The following ELF1 variants were observed in gnomAD, a reference collection of about 807,000 sequenced individuals.
ELF1 encodes the protein E74 like ETS transcription factor 1.
ELF1 carries 24 observed loss-of-function variants against 59.9 expected under a neutral mutation model. That is an observed-to-expected ratio of 0.40 (90% CI 0.29 to 0.56). The LOEUF (loss-of-function observed/expected upper bound fraction) is 0.56, where lower values mean the gene tolerates loss of function less well. ELF1 is among the 20% of genes least tolerant of loss of function. The pLI, the probability that ELF1 is intolerant of heterozygous loss-of-function variation, is 0.44. For synonymous variants in ELF1, 248 were observed against 266.2 expected (o/e 0.93, Z 0.67); for missense variants, 627 against 742.2 (o/e 0.84, Z 1.80).
intron 1 of ELF1, among the ~76,000 whole-genome samples, chr13:41,033,629 G>A (rs771837906): frequency 6.6e-6 from 1 of 152,156 alleles, no homozygotes; most frequent in Non-Finnish European, 1.5e-5. Context: ...ATTCTCATAG[G>A]AGAGGAAACC....
chr13:41,002,801 A>G (rs1383117207), intron 1 of ELF1, among the ~76,000 whole-genome samples: 1 of 152,120 alleles, frequency 6.6e-6, no homozygotes, highest in Admixed American at 6.5e-5. Flanking sequence ...TCATAGTAAT[A>G]TGTATGCTAT....
chr13:40,988,982 G>C lies in ELF1; in HGVS notation c.-228-6700C>G, dbSNP rs374128628. 5.9e-5 allele frequency among the ~76,000 whole-genome samples: 9 copies of C among 152,236 alleles called. No individual in the cohort carries two copies. In the East Asian group the frequency reaches 1.4e-3, roughly 23 times the overall value. ...CTGACTGATTTTTGTAATTTCAGTA[G>C]AGACAGTGTCTCACTATGTTGCCCA... On this transcript the variant is annotated intron_variant, in intron 1 of 8. Coordinates refer to ENST00000239882, the MANE Select transcript of ELF1 (RefSeq NM_172373.4).
At chr13:40,956,591 A>G (rs190716409) in intron 3 of ELF1, among the ~76,000 whole-genome samples, 44 of 150,748 alleles carry the variant, frequency 2.9e-4, no homozygotes, top group Admixed American at 8.6e-4. Flanking sequence ...AAAAAAAAAA[A>G]AAAGAAAGTT....
rs762161763 is a variant in ELF1 at position 41,055,400 on chromosome 13, T to C, written c.-229+5438A>G. On this transcript the variant is annotated intron_variant, in intron 1 of 1. Transcript: ENST00000405737. ...AATGCCTTGTCCCCATCCCTGTCTC[T>C]ACCAGCAAAAGCCTAACCAGCCTTC... is the stretch of plus-strand genomic sequence containing the variant. Among the ~76,000 whole-genome samples, 27 of 151,326 alleles carry C rather than the reference T, an allele frequency of 1.8e-4. 1 individual carries two copies. The highest frequency in any genetic ancestry group is 6.3e-4 in the South Asian group (3 of 4,786).
intron 8 of ELF1, among the ~76,000 whole-genome samples, chr13:40,934,691 AT>A (rs1389708602): frequency 3.3e-5 from 5 of 152,172 alleles, no homozygotes; most frequent in African/African-American, 1.2e-4. Context: ...AAGTGCTGGG[AT>A]TATAGGCATG....
chr13:40,981,050 C>T (rs1197179756), intron 2 of ELF1, among the ~76,000 whole-genome samples: 1 of 151,982 alleles, frequency 6.6e-6, no homozygotes, highest in African/African-American at 2.4e-5. Flanking sequence ...ATTCACTCTG[C>T]CAAAAGTAAG....
chr13:41,055,862 T>G (rs1295694631), intron 1 of ELF1, among the ~76,000 whole-genome samples: 1 of 151,526 alleles, frequency 6.6e-6, no homozygotes, highest in African/African-American at 2.4e-5. Context: ...TTTTGTTTTT[T>G]TTTTTCTTTG....
At chr13:41,027,776 G>T (rs1176995151) in intron 1 of ELF1, among the ~76,000 whole-genome samples, 4 of 152,208 alleles carry the variant, frequency 2.6e-5, no homozygotes, top group Admixed American at 2.0e-4. Context: ...CAAAAGTGGG[G>T]TAATGGGCTC....
chr13:40,961,266 A>T lies in ELF1; in HGVS notation c.73-2250T>A, dbSNP rs567991927. 5.3e-5 allele frequency among the ~76,000 whole-genome samples: 8 copies of T among 152,342 alleles called. No homozygotes were observed. In the South Asian group the frequency reaches 1.0e-3, roughly 20 times the overall value. ...GAAATTTATGGTTAATAATCCTAAAACACATTTGGATCGTTTTATTTCAAA... is the reference window on the plus strand; with the variant it reads ...GAAATTTATGGTTAATAATCCTAAATCACATTTGGATCGTTTTATTTCAAA... On this transcript the variant is annotated intron_variant, in intron 2 of 8. Transcript: ENST00000239882.
In ELF1 at chr13:40,933,630, ACAGTGC is replaced by A; in HGVS notation, c.1649_1654del (p.Gly550_Thr551del). 2 of 1,614,226 alleles carry A rather than the reference ACAGTGC, an allele frequency of 1.2e-6. No homozygotes were observed. Among genetic ancestry groups the A allele is most frequent in the Non-Finnish European group, 1.7e-6 (2 of 1,180,042 alleles). ...TTGAGTTTTGATAACTGAAGTGATTACAGTGCCAGGTGGGTGAGCAACCAGCTGTGA... is the reference window on the plus strand; with the variant it reads ...TTGAGTTTTGATAACTGAAGTGATTACAGGTGGGTGAGCAACCAGCTGTGA... On this transcript the variant is annotated inframe_deletion, in exon 9 of 9. Transcript: ENST00000239882.
At chr13:40,965,929 T>G (rs1872149956) in intron 2 of ELF1, among the ~76,000 whole-genome samples, 1 of 152,200 alleles carries the variant, frequency 6.6e-6, no homozygotes, top group African/African-American at 2.4e-5. Flanking sequence ...CAGAGCCTAA[T>G]ATTAAAGCTC....
At chr13:41,010,249 AAAAAT>A (rs1490977773) in intron 1 of ELF1, among the ~76,000 whole-genome samples, 3 of 150,272 alleles carry the variant, frequency 2.0e-5, no homozygotes, top group Middle Eastern at 3.4e-3. Flanking sequence ...CCACCAATAA[AAAAAT>A]AAAATAAAAA....
chr13:41,016,258 C>T (rs905484070), intron 1 of ELF1, among the ~76,000 whole-genome samples: 1 of 152,126 alleles, frequency 6.6e-6, no homozygotes, highest in African/African-American at 2.4e-5. Context: ...TGGACGATTT[C>T]GCACCGAATT....
intron 3 of ELF1, among the ~76,000 whole-genome samples, chr13:40,955,601 C>T (rs1188758692): frequency 8.8e-5 from 3 of 34,190 alleles, no homozygotes; most frequent in African/African-American, 2.7e-4. Flanking sequence ...GTGAGGGGCA[C>T]CTCTGCCTGG....
chr13:40,951,229 AT>A, intron 4 of ELF1, 99 bp downstream of exon 4: 1 of 989,958 alleles, frequency 1.0e-6, no homozygotes, highest in Non-Finnish European at 1.4e-6. Flanking sequence ...GTAACAAAAA[AT>A]ATATAACATC....
At chr13:40,934,568 G>A (rs1032323087) in intron 8 of ELF1, among the ~76,000 whole-genome samples, 2 of 151,852 alleles carry the variant, frequency 1.3e-5, no homozygotes, top group Admixed American at 6.6e-5. Flanking sequence ...TTATAGTCAC[G>A]TGCCACCACG....
At position 41,004,094 on chromosome 13, in the gene ELF1, T is replaced by C. The variant is rs557612455; in HGVS notation, c.-229+15134A>G. On this transcript the variant is annotated intron_variant, in intron 1 of 8. Transcript: ENST00000239882. ...TTTATGAAATCTACTATATGCCATT[T>C]ACTGGGTATACAAAAATAAAGATAA... is the stretch of plus-strand genomic sequence containing the variant. 7.1e-4 allele frequency among the ~76,000 whole-genome samples: 108 copies of C among 152,286 alleles called. 3 individuals carry two copies. In the South Asian group the frequency reaches 0.021, roughly 30 times the overall value.
rs35517822 is a variant in ELF1, at chr13:40,958,907, A to G, written c.182T>C (p.Ile61Thr). The change falls in exon 3 of 9, where the codon ATT becomes ACT. Residue 61 changes from isoleucine (I) to threonine (T), a missense_variant. By Grantham distance (89) the Ile-to-Thr change is moderately conservative (BLOSUM62 -1). Around this residue, in one of 3 missense-constraint regions of ELF1, gnomAD observed 232 missense variants for 269.2 expected, o/e 0.86. Transcript: ENST00000239882. ...AGCAACATCCAGTGAACTCTCAGTAATCATGTCATTGGGCTCTTCCACACA... is the reference window on the plus strand; with the variant it reads ...AGCAACATCCAGTGAACTCTCAGTAGTCATGTCATTGGGCTCTTCCACACA... ...LACVEEPNDMITESSLDVAEE... is the reference protein window; with the variant it reads ...LACVEEPNDMTTESSLDVAEE... 9.2e-5 allele frequency: 149 copies of G among 1,614,080 alleles called. No individual in the cohort carries two copies. In the African/African-American group the frequency reaches 1.9e-3, roughly 21 times the overall value.
intron 1 of ELF1, among the ~76,000 whole-genome samples, chr13:41,041,698 CAGA>C (rs1422493614): frequency 6.6e-6 from 1 of 152,024 alleles, no homozygotes; most frequent in African/African-American, 2.4e-5. Flanking sequence ...AAAGGGCATC[CAGA>C]AGACTTCAAA....
Sources: allele counts gnomAD v4.1 joint callset (sites outside exome capture counted in the v4.1 genomes callset), GRCh38; gene constraint gnomAD v4.1.1; regional missense constraint gnomAD v4.1.1; transcripts MANE v1.5; gene names NCBI Gene and HGNC (gene_info 2026-07-23, HGNC 2026-07-21).